The following CELSR2 variants were observed in gnomAD, a reference collection of about 807,000 sequenced individuals.
CELSR2 encodes the protein EGF-like protein 2.
A neutral mutation model predicts 251.6 loss-of-function variants in CELSR2; 81 were observed. That is an observed-to-expected ratio of 0.32 (90% confidence interval 0.27 to 0.39). The LOEUF (loss-of-function observed/expected upper bound fraction) is 0.39. CELSR2 is among the 10% of genes least tolerant of loss of function. CELSR2 has a pLI of 1.00. For synonymous variants in CELSR2, 1,721 were observed against 1,670.5 expected, an observed-to-expected ratio of 1.03 and a Z score of -0.74; for missense variants, 3,365 against 3,947.7, an observed-to-expected ratio of 0.85 and a Z score of 3.96.
At chr1:109,271,126 C>T (rs1198840139) in intron 25 of CELSR2, 87 bp downstream of exon 25, 8 of 1,535,118 alleles carry the variant, frequency 5.2e-6, no homozygotes, top group Non-Finnish European at 7.2e-6. Flanking sequence ...TCAGGACTCC[C>T]TTTAGGAACA....
At position 109,252,494 on chromosome 1, in the gene CELSR2, G is replaced by C. The variant is rs554845360; in HGVS notation, c.2415G>C (p.Val805=). 2 of 1,613,866 alleles carry C rather than the reference G, an allele frequency of 1.2e-6. No homozygotes were observed. Among genetic ancestry groups the C allele is most frequent in the African/African-American group, 2.7e-5 (2 of 75,060 alleles). Residue 805 remains valine, a synonymous_variant, in exon 1 of 34, where the codon GTG becomes GTC. Transcript: ENST00000271332. The surrounding 1 kb of genome is among the most constrained non-coding windows in gnomAD (Gnocchi z 4.8). ...KSDTTYLEIL[V]NDVNDNAPQF... ...ACACCACCTACCTGGAGATCCTGGT[G>C]AACGACGTGAATGACAATGCCCCTC...
At chr1:109,255,604 G>C (rs1655822842) in intron 1 of CELSR2, among the ~76,000 whole-genome samples, 1 of 152,238 alleles carries the variant, frequency 6.6e-6, no homozygotes, top group African/African-American at 2.4e-5. Flanking sequence ...GAGAGGCTGG[G>C]AGGCTGACCG....
intron 15 of CELSR2, among the ~76,000 whole-genome samples, chr1:109,267,103 C>T (rs1260642924): frequency 1.3e-5 from 2 of 152,120 alleles, no homozygotes; most frequent in Non-Finnish European, 2.9e-5. Context: ...AAAGATGAAT[C>T]ATGCAGGGTT....
Position 109,261,487 on chromosome 1 carries a change from TG to T in CELSR2, c.4182-25del. 1 of 1,600,622 alleles carries T rather than the reference TG, an allele frequency of 6.2e-7. No homozygotes were observed. The highest frequency in any genetic ancestry group is 8.6e-7 in the Non-Finnish European group (1 of 1,167,812). On this transcript the variant is annotated intron_variant, in intron 3 of 33. Coordinates refer to ENST00000271332, the MANE Select transcript of CELSR2 (RefSeq NM_001408.3). The surrounding 1 kb of genome is among the most constrained non-coding windows in gnomAD (Gnocchi z 4.8). Reference sequence around the variant, plus strand: ...GCATCCAGGTGGGTACCCCATTCCCTGCCCCCATCCCCAACTCCTGTTCAGG... The same window carrying T: ...GCATCCAGGTGGGTACCCCATTCCCTCCCCCATCCCCAACTCCTGTTCAGG...
In CELSR2 at chr1:109,264,186, C is replaced by T. The variant is rs1184443499; in HGVS notation, c.5110C>T (p.Leu1704=). ...TGACGGTGACTGGCACCATGCACAG[C>T]TGGCACTGGGAGCCAGCGGGGGGCC... is the stretch of plus-strand genomic sequence containing the variant. ...ANDGDWHHAQ[L]ALGASGGPGH... The change falls in exon 10 of 34, where the codon CTG becomes TTG. Residue 1704 remains leucine, a synonymous_variant. Coordinates refer to ENST00000271332, the MANE Select transcript of CELSR2 (RefSeq NM_001408.3). 1 of 1,612,856 alleles carries T rather than the reference C, an allele frequency of 6.2e-7. No homozygotes were observed. The highest frequency in any genetic ancestry group is 8.5e-7 in the Non-Finnish European group (1 of 1,179,726).
rs1656060506 is a variant in CELSR2 at position 109,262,953 on chromosome 1, C to T, written c.4692C>T (p.Asn1564=). Residue 1564 remains asparagine, a synonymous_variant, in exon 7 of 34, where the codon AAC becomes AAT. Coordinates refer to ENST00000271332, the MANE Select transcript of CELSR2 (RefSeq NM_001408.3). Reference sequence around the variant, plus strand: ...TAGACATGGCTGACTTCATTGCCAACAATGGCACCGTGCCTGGTATGGGGG... The same window carrying T: ...TAGACATGGCTGACTTCATTGCCAATAATGGCACCGTGCCTGGTATGGGGG... ...RHIDMADFIA[N]NGTVPGCPAK... is the part of the protein sequence containing the mutation. 1.9e-6 allele frequency: 3 copies of T among 1,613,322 alleles called. No individual in the cohort carries two copies. Among genetic ancestry groups the T allele is most frequent in the Non-Finnish European group, 2.5e-6 (3 of 1,179,558 alleles).
Position 109,264,993 on chromosome 1 carries a change from C to A in CELSR2, c.5590C>A (p.Pro1864Thr), listed in dbSNP as rs202229938. The change falls in exon 12 of 34, where the codon CCA (proline) becomes ACA (threonine). Residue 1864 changes from proline (P) to threonine (T), a missense_variant. Coordinates refer to ENST00000271332, the MANE Select transcript of CELSR2 (RefSeq NM_001408.3). ...CGAGTGTCCCCCAAATTACCTTGGGCCATACTGTGAGACCAGGTAAGCAGA... is the reference window on the plus strand; with the variant it reads ...CGAGTGTCCCCCAAATTACCTTGGGACATACTGTGAGACCAGGTAAGCAGA... ...TCECPPNYLGPYCETRIDQPC... is the reference protein window; with the variant it reads ...TCECPPNYLGTYCETRIDQPC... 1 of 1,614,168 alleles carries A rather than the reference C, an allele frequency of 6.2e-7. No homozygotes were observed. Among genetic ancestry groups the A allele is most frequent in the African/African-American group, 1.3e-5 (1 of 75,040 alleles).
At position 109,250,174 on chromosome 1, in the gene CELSR2, A is replaced by T. The variant is rs1655640692; in HGVS notation, c.95A>T (p.Asp32Val). 1.2e-6 allele frequency: 2 copies of T among 1,600,972 alleles called. No individual in the cohort carries two copies. Among genetic ancestry groups the T allele is most frequent in the Admixed American group, 1.8e-5 (1 of 56,810 alleles). The change falls in exon 1 of 34, where the codon GAC becomes GTC. Residue 32 changes from aspartate (D) to valine (V), a missense_variant. Transcript: ENST00000271332. This position sits in a 1 kb window ranked among gnomAD's most constrained non-coding sequence, Gnocchi z 4.4. ...CTGCTGCCGCCGCCACTATTGGGAG[A>T]CCAAGTGGGGCCCTGTCGTTCCTTG... ...LLLLPPPLLGDQVGPCRSLGS... is the reference protein window; with the variant it reads ...LLLLPPPLLGVQVGPCRSLGS...
chr1:109,268,499 G>T (rs934420837), intron 17 of CELSR2, 82 bp from the exon 18 acceptor site: 8 of 1,489,988 alleles, frequency 5.4e-6, no homozygotes, highest in Admixed American at 2.2e-5. Flanking sequence ...GCAGGGACTG[G>T]CCCGGGCACA....
chr1:109,260,233 C>A (rs925962070), intron 2 of CELSR2, among the ~76,000 whole-genome samples: 3 of 151,840 alleles, frequency 2.0e-5, no homozygotes, highest in Non-Finnish European at 2.9e-5. Context: ...AAACAAGAGC[C>A]AGTCACTAGG....
In CELSR2 at chr1:109,270,058, C is replaced by T. The variant is rs746081058; in HGVS notation, c.7233C>T (p.Ile2411=). ...LRILRSNQHG[I]RRNLTAALGL... ...TCCTGCGCTCCAACCAACACGGCAT[C>T]CGACGTAACCTGACAGCTGCCCTGG... Residue 2411 remains isoleucine, a synonymous_variant, in exon 23 of 34, where the codon ATC becomes ATT. Coordinates refer to ENST00000271332, the MANE Select transcript of CELSR2 (RefSeq NM_001408.3). The T allele has an allele frequency of 1.2e-6, 2 of 1,614,174 alleles. No homozygotes were observed. The highest frequency in any genetic ancestry group is 2.7e-5 in the African/African-American group (2 of 75,038).
At chr1:109,262,201 A>T (rs1656037977) in intron 5 of CELSR2, 86 bp from the exon 6 acceptor site, 2 of 1,540,982 alleles carry the variant, frequency 1.3e-6, no homozygotes, top group African/African-American at 2.7e-5. Context: ...ATGTGGGTGC[A>T]CACAGAGGCA....
Position 109,252,848 on chromosome 1 carries a change from G to A in CELSR2, c.2769G>A (p.Gln923=). The change falls in exon 1 of 34, where the codon CAG becomes CAA. Residue 923 remains glutamine (Q), a synonymous_variant. Transcript: ENST00000271332. The surrounding 1 kb of genome is among the most constrained non-coding windows in gnomAD (Gnocchi z 4.8). ...DVNDNPPVFE[Q]DEFDVFVEEN... ...ATGACAATCCCCCTGTCTTTGAGCA[G>A]GATGAGTTTGATGTGTTTGTGGAAG... 6.2e-7 allele frequency: 1 copy of A among 1,613,872 alleles called. No individual in the cohort carries two copies. The highest frequency in any genetic ancestry group is 8.5e-7 in the Non-Finnish European group (1 of 1,179,932).
chr1:109,269,669 C>G lies in CELSR2; in HGVS notation c.6981-25C>G. The G allele has an allele frequency of 6.2e-7, 1 of 1,614,082 alleles. No individual in the cohort carries two copies. The highest frequency in any genetic ancestry group is 1.1e-5 in the South Asian group (1 of 91,088). ...CCTGCATGCCTCACCCTCCTTGTCT[C>G]CCTGACCCTGCCTTCCTCACACAGG... is the stretch of plus-strand genomic sequence containing the variant. On this transcript the variant is annotated intron_variant, in intron 21 of 33. Transcript: ENST00000271332. The surrounding 1 kb of genome is among the most constrained non-coding windows in gnomAD (Gnocchi z 6.4).
In CELSR2 at chr1:109,264,203, C is replaced by T. The variant is rs761917146; in HGVS notation, c.5127C>T (p.Ser1709=). ...WHHAQLALGA[S]GGPGHAILSF... ...ATGCACAGCTGGCACTGGGAGCCAG[C>T]GGGGGGCCCGGCCATGCCATTCTGT... Residue 1709 remains serine (S), a synonymous_variant, in exon 10 of 34, where the codon AGC becomes AGT. Coordinates refer to ENST00000271332, the MANE Select transcript of CELSR2 (RefSeq NM_001408.3). The T allele has an allele frequency of 9.3e-6, 15 of 1,612,422 alleles. No homozygotes were observed. Among genetic ancestry groups the T allele is most frequent in the East Asian group, 2.2e-5 (1 of 44,876 alleles).
intron 1 of CELSR2, among the ~76,000 whole-genome samples, chr1:109,255,035 G>A (rs1358869111): frequency 1.3e-5 from 2 of 152,210 alleles, no homozygotes; most frequent in African/African-American, 4.8e-5. Flanking sequence ...TCCCACCAGG[G>A]CAGAGCCCTA....
At chr1:109,273,051 C>A (rs1180403778) in intron 31 of CELSR2, 24 bp downstream of exon 31, 1 of 1,599,818 alleles carries the variant, frequency 6.3e-7, no homozygotes, top group Non-Finnish European at 8.5e-7. Flanking sequence ...GGGGCTGTGG[C>A]CTTTGGGGCC....
intron 2 of CELSR2, among the ~76,000 whole-genome samples, chr1:109,259,413 A>C (rs1655959333): frequency 6.6e-6 from 1 of 152,218 alleles, no homozygotes; most frequent in Non-Finnish European, 1.5e-5. Context: ...GCCCTCGGTT[A>C]TTTGAAATGG....
chr1:109,256,880 G>A (rs1250468260), intron 1 of CELSR2, among the ~76,000 whole-genome samples: 1 of 151,964 alleles, frequency 6.6e-6, no homozygotes, highest in Non-Finnish European at 1.5e-5. Flanking sequence ...GTCTGATCTC[G>A]AACTCCTGAC....
Sources: gnomAD v4.1 joint callset for allele counts (sites outside exome capture counted in the v4.1 genomes callset) on GRCh38, gnomAD v4.1.1 for gene constraint, Gnocchi (gnomAD v3.1) non-coding constraint, MANE v1.5 for transcripts, NCBI Gene and HGNC (gene_info 2026-07-23, HGNC 2026-07-21) for gene names.